Variants in DGLUCY observed in about 807,000 individuals in gnomAD.
DGLUCY encodes D-glutamate cyclase.
Under a neutral mutation model 58.5 loss-of-function variants are expected in DGLUCY, and 58 were observed. The observed-to-expected ratio is 0.99, with a 90% CI of 0.80 to 1.23. The LOEUF is 1.23. Ranked by LOEUF, DGLUCY falls within the 50% of genes most tolerant of loss-of-function variation. The pLI is 0.00. For synonymous variants in DGLUCY, 325 were observed against 314.1 expected (o/e 1.03, Z -0.37); for missense variants, 779 against 784.7 (o/e 0.99, Z 0.09).
chr14:91,192,811 A>G (rs1225461645), intron 9 of DGLUCY, among the ~76,000 whole-genome samples: 1 of 152,192 alleles, frequency 6.6e-6, no homozygotes, highest in African/African-American at 2.4e-5. Flanking sequence ...CTCAAAATAA[A>G]TAAATAAAAA....
At chr14:91,071,325 A>T (rs1328182503) in intron 1 of DGLUCY, among the ~76,000 whole-genome samples, 1 of 132,384 alleles carries the variant, frequency 7.6e-6, no homozygotes, top group Non-Finnish European at 1.6e-5. Context: ...CAACAGAGCG[A>T]GATTCCACCA....
intron 1 of DGLUCY, among the ~76,000 whole-genome samples, chr14:91,099,961 G>A (rs188911984): frequency 1.3e-5 from 2 of 151,480 alleles, no homozygotes; most frequent in Non-Finnish European, 2.9e-5. Flanking sequence ...AGCTGAGGCG[G>A]GAGAATTGCT....
chr14:91,153,153 CT>C (rs2047414392), intron 1 of DGLUCY, among the ~76,000 whole-genome samples: 2 of 152,150 alleles, frequency 1.3e-5, no homozygotes, highest in South Asian at 4.1e-4. Flanking sequence ...GCCACATGCT[CT>C]GCCCATCCCT....
intron 11 of DGLUCY, 48 bp from the exon 12 acceptor site, chr14:91,204,658 C>CAAGG: frequency 6.3e-7 from 1 of 1,597,198 alleles, no homozygotes; most frequent in Non-Finnish European, 8.6e-7. Flanking sequence ...CAGGCCTCCC[C>CAAGG]CATTTTGCCC....
At chr14:91,109,895 C>G (rs1267031969), upstream of DGLUCY, among the ~76,000 whole-genome samples, 1 of 152,218 alleles carries the variant, frequency 6.6e-6, no homozygotes, top group Non-Finnish European at 1.5e-5. Context: ...GCTTTCATAT[C>G]TAATTCAGGT....
intron 2 of DGLUCY, among the ~76,000 whole-genome samples, chr14:91,159,754 T>C (rs2047873118): frequency 6.6e-6 from 1 of 152,214 alleles, no homozygotes; most frequent in South Asian, 2.1e-4. Flanking sequence ...CTCGGCCTCT[T>C]ATTTCACTTG....
chr14:91,086,867 C>A (rs1365597139), intron 1 of DGLUCY, among the ~76,000 whole-genome samples: 1 of 152,190 alleles, frequency 6.6e-6, no homozygotes. Context: ...CATTCTCCTG[C>A]CTCATCCTCC....
Position 91,176,066 on chromosome 14 carries a change from G to T in DGLUCY, c.730+10G>T, listed in dbSNP as rs761899157. 3 of 1,613,458 alleles carry T rather than the reference G, an allele frequency of 1.9e-6. No homozygotes were observed. The highest frequency in any genetic ancestry group is 1.1e-5 in the South Asian group (1 of 91,038). ...GCTGTCAGCAGCTGTGGTACGTTGG[G>T]GGATAATGGGACAATCGATCTGCCC... On this transcript the variant is annotated intron_variant, in intron 7 of 13. Coordinates refer to ENST00000256324, the MANE Select transcript of DGLUCY (RefSeq NM_001102368.3).
At chr14:91,103,135 A>G (rs1186675656), upstream of DGLUCY, among the ~76,000 whole-genome samples, 1 of 152,004 alleles carries the variant, frequency 6.6e-6, no homozygotes, top group Non-Finnish European at 1.5e-5. Flanking sequence ...GAGCAACTTA[A>G]TGATTGGTCC....
intron 9 of DGLUCY, among the ~76,000 whole-genome samples, chr14:91,189,525 T>C (rs2049735568): frequency 6.6e-6 from 1 of 152,062 alleles, no homozygotes; most frequent in African/African-American, 2.4e-5. Context: ...TAGTGGAGTA[T>C]GAAGTGGCTG....
intron 12 of DGLUCY, among the ~76,000 whole-genome samples, chr14:91,205,364 C>G (rs754157901): frequency 6.6e-6 from 1 of 152,194 alleles, no homozygotes; most frequent in Non-Finnish European, 1.5e-5. Context: ...TTGCTCCTCT[C>G]CCGCAGGACC....
At chr14:91,062,545 C>A (rs1863687572) in intron 1 of DGLUCY, among the ~76,000 whole-genome samples, 2 of 17,774 alleles carry the variant, frequency 1.1e-4, no homozygotes, top group East Asian at 1.0e-3. Flanking sequence ...GAGACTCTGT[C>A]TAAAAAAAAA....
chr14:91,131,908 A>G (rs2046044926), intron 1 of DGLUCY, among the ~76,000 whole-genome samples: 1 of 152,074 alleles, frequency 6.6e-6, no homozygotes, highest in Non-Finnish European at 1.5e-5. Context: ...ATTCTCTTGC[A>G]TCAGCCTCCC....
At chr14:91,176,113 C>T in intron 7 of DGLUCY, 57 bp downstream of exon 7, 1 of 1,574,356 alleles carries the variant, frequency 6.4e-7, no homozygotes, top group Non-Finnish European at 8.7e-7. Context: ...CCAGTGGGGT[C>T]TAGTTCTTGA....
intron 1 of DGLUCY, among the ~76,000 whole-genome samples, chr14:91,081,516 A>C (rs2044127341): frequency 6.6e-6 from 1 of 152,212 alleles, no homozygotes; most frequent in African/African-American, 2.4e-5. Context: ...CAAGTGGCTT[A>C]AGACATCTTA....
chr14:91,171,901 G>C (rs916080680), intron 5 of DGLUCY, among the ~76,000 whole-genome samples: 1 of 152,156 alleles, frequency 6.6e-6, no homozygotes, highest in Admixed American at 6.5e-5. Flanking sequence ...AGCTCCTCCT[G>C]TGATGTTCTC....
chr14:91,067,881 C>T (rs1026482741), intron 1 of DGLUCY, among the ~76,000 whole-genome samples: 1 of 152,074 alleles, frequency 6.6e-6, no homozygotes, highest in African/African-American at 2.4e-5. Flanking sequence ...ATTTTTGACC[C>T]TGTCAGTACC....
chr14:91,074,479 T>C (rs2043986355), intron 1 of DGLUCY, among the ~76,000 whole-genome samples: 1 of 151,452 alleles, frequency 6.6e-6, no homozygotes, highest in East Asian at 1.9e-4. Context: ...AGAACCTGAC[T>C]CAAAAAAACA....
intron 1 of DGLUCY, among the ~76,000 whole-genome samples, chr14:91,130,665 G>A (rs1198642929): frequency 6.6e-6 from 1 of 151,976 alleles, no homozygotes; most frequent in East Asian, 1.9e-4. Context: ...TGTCACCCAG[G>A]CTGGAGTGCA....
Sources: allele counts gnomAD v4.1 joint callset (sites outside exome capture counted in the v4.1 genomes callset), GRCh38; gene constraint gnomAD v4.1.1; transcripts MANE v1.5; gene names NCBI Gene and HGNC (gene_info 2026-07-23, HGNC 2026-07-21).